GOLM1: variants seen among roughly 807,000 people sequenced by gnomAD.
The protein encoded by GOLM1 is golgi membrane protein 1.
Under a neutral mutation model 50.5 loss-of-function variants are expected in GOLM1, and 31 were observed. The ratio of observed to expected loss-of-function variants is 0.61; its 90% CI spans 0.46 to 0.83. The LOEUF (loss-of-function observed/expected upper bound fraction) is 0.83. Ranked by LOEUF, GOLM1 falls within the 40% of genes least tolerant of loss-of-function variation. The probability of loss-of-function intolerance (pLI) is 0.00; values close to 1 mark genes in which losing one functional copy is unlikely to be tolerated. For synonymous variants in GOLM1, 178 were observed against 192.8 expected (o/e 0.92, Z 0.64); for missense variants, 491 against 501.3 (o/e 0.98, Z 0.20).
chr9:86,081,811 C>T (rs1361514523), intron 1 of GOLM1, among the ~76,000 whole-genome samples: 2 of 151,368 alleles, frequency 1.3e-5, no homozygotes, highest in Non-Finnish European at 2.9e-5. Context: ...AAAGCTTGAA[C>T]CCATGAGGCG....
intron 1 of GOLM1, among the ~76,000 whole-genome samples, chr9:86,082,363 C>G (rs1053212028): frequency 1.4e-5 from 2 of 144,264 alleles, no homozygotes; most frequent in Non-Finnish European, 3.0e-5. Context: ...GGCTCCACCA[C>G]TGCATTTCTT....
At chr9:86,091,948 T>C (rs1475860641) in intron 1 of GOLM1, among the ~76,000 whole-genome samples, 2 of 152,182 alleles carry the variant, frequency 1.3e-5, no homozygotes, top group African/African-American at 4.8e-5. Context: ...CAGGGTGGTA[T>C]TAAGAGCACA....
At chr9:86,045,724 C>T (rs906699549) in intron 5 of GOLM1, among the ~76,000 whole-genome samples, 3 of 148,558 alleles carry the variant, frequency 2.0e-5, no homozygotes, top group Non-Finnish European at 3.0e-5. Context: ...ACGTACATAA[C>T]GCAAGTAAAA....
At chr9:86,031,188 C>A (rs1217167306) in intron 9 of GOLM1, among the ~76,000 whole-genome samples, 1 of 151,346 alleles carries the variant, frequency 6.6e-6, no homozygotes, top group South Asian at 2.1e-4. Flanking sequence ...CCAGCCTGGG[C>A]AACAGAGTGA....
At chr9:86,084,750 T>TA (rs1292197191) in intron 1 of GOLM1, among the ~76,000 whole-genome samples, 1 of 152,122 alleles carries the variant, frequency 6.6e-6, no homozygotes, top group Non-Finnish European at 1.5e-5. Context: ...ATTAATATTT[T>TA]AAAAAATTCC....
In GOLM1 at chr9:86,038,524, C is replaced by T. The variant is rs571827226; in HGVS notation, c.598-2017G>A. 3.9e-5 allele frequency among the ~76,000 whole-genome samples: 6 copies of T among 152,296 alleles called. No individual in the cohort carries two copies. The South Asian group carries it at 1.2e-3, about 32-fold the overall frequency. On this transcript the variant is annotated intron_variant, in intron 6 of 9. Transcript: ENST00000388712. ...GCTACTCAACTCCAGCCCATTCCAG[C>T]CACTTTGTCCCACTGGGGTAGGGAG...
At chr9:86,050,176 T>C (rs4612442) in intron 4 of GOLM1, among the ~76,000 whole-genome samples, 25,917 of 152,186 alleles carry the variant, frequency 0.17, 2,669 homozygotes, top group African/African-American at 0.3. Flanking sequence ...GTTTACTGAT[T>C]TGCGTATGTT....
chr9:86,084,160 G>T (rs754016517), intron 1 of GOLM1, among the ~76,000 whole-genome samples: 1 of 152,116 alleles, frequency 6.6e-6, no homozygotes, highest in Non-Finnish European at 1.5e-5. Flanking sequence ...TCAGCTTTGG[G>T]GGCATTATCA....
chr9:86,047,519 G>C (rs1320906043), intron 4 of GOLM1, among the ~76,000 whole-genome samples: 2 of 152,148 alleles, frequency 1.3e-5, no homozygotes, highest in Non-Finnish European at 2.9e-5. Flanking sequence ...GTGGGTGCTG[G>C]GCCTAGACAG....
intron 3 of GOLM1, among the ~76,000 whole-genome samples, chr9:86,067,724 C>T (rs963514962): frequency 1.3e-5 from 2 of 152,142 alleles, no homozygotes; most frequent in East Asian, 3.9e-4. Flanking sequence ...CAGGGTTGGC[C>T]GGGCGCAGTG....
chr9:86,061,876 T>C (rs981683835), intron 3 of GOLM1, among the ~76,000 whole-genome samples: 20 of 152,070 alleles, frequency 1.3e-4, no homozygotes, highest in Non-Finnish European at 2.5e-4. Flanking sequence ...GGTAGGATCC[T>C]GGTCAGAGAG....
chr9:86,045,743 A>G (rs150330520), intron 5 of GOLM1, among the ~76,000 whole-genome samples: 159 of 152,186 alleles, frequency 1.0e-3, no homozygotes, highest in African/African-American at 3.5e-3. Flanking sequence ...AAAAATGATT[A>G]AATTTTTTTG....
chr9:86,058,983 G>A (rs1834072105), intron 3 of GOLM1, among the ~76,000 whole-genome samples: 1 of 152,162 alleles, frequency 6.6e-6, no homozygotes, highest in Admixed American at 6.5e-5. Flanking sequence ...GGGTGATAGA[G>A]TGAGACTCTG....
chr9:86,076,421 C>CAAAAAA lies in GOLM1; in HGVS notation c.309+985_309+990dup, dbSNP rs58193076. ...GGACAACAAGAGGGAAACCCCATCT[C>CAAAAAA]AAAAAAAAAAAAAAAAAAAAAAAAA... On this transcript the variant is annotated intron_variant, in intron 3 of 9. Coordinates refer to ENST00000388712, the MANE Select transcript of GOLM1 (RefSeq NM_016548.4). Among the ~76,000 whole-genome samples the CAAAAAA allele has an allele frequency of 3.4e-3, 79 of 23,312 alleles. 2 individuals carry two copies. Among genetic ancestry groups the CAAAAAA allele is most frequent in the Non-Finnish European group, 4.8e-3 (55 of 11,408 alleles). 15.3% of individuals were successfully genotyped at this position (23,312 alleles called of 152,430 possible).
In GOLM1 at chr9:86,095,416, T is replaced by C. The variant is rs115959687; in HGVS notation, c.-22+3995A>G. Among the ~76,000 whole-genome samples, 763 of 133,972 alleles carry C rather than the reference T, an allele frequency of 5.7e-3. 8 individuals carry two copies. The highest frequency in any genetic ancestry group is 0.026 in the African/African-American group (737 of 27,926). 87.9% of individuals were successfully genotyped at this position (133,972 alleles called of 152,430 possible). ...GCTAATTTTTGTATTTTCCCTTTTT[T>C]TTTTTTTTTAAAATAGAGATGGGGT... On this transcript the variant is annotated intron_variant, in intron 1 of 9. Transcript: ENST00000388712.
At chr9:86,031,484 G>T (rs112072708) in intron 9 of GOLM1, among the ~76,000 whole-genome samples, 2 of 116,962 alleles carry the variant, frequency 1.7e-5, no homozygotes, top group Non-Finnish European at 3.4e-5. Flanking sequence ...TCCCCGAGAC[G>T]GAGTTTCACT....
chr9:86,071,198 G>T (rs1474720286), intron 3 of GOLM1, among the ~76,000 whole-genome samples: 1 of 151,974 alleles, frequency 6.6e-6, no homozygotes, highest in African/African-American at 2.4e-5. Flanking sequence ...CTGGGCTCAA[G>T]GTGATCCACC....
intron 3 of GOLM1, among the ~76,000 whole-genome samples, chr9:86,055,643 T>C (rs1052026893): frequency 2.6e-5 from 4 of 152,274 alleles, no homozygotes; most frequent in Non-Finnish European, 5.9e-5. Flanking sequence ...TACTACAACA[T>C]GGATGAATGC....
chr9:86,071,421 G>C (rs1032840132), intron 3 of GOLM1, among the ~76,000 whole-genome samples: 1 of 152,014 alleles, frequency 6.6e-6, no homozygotes, highest in Admixed American at 6.5e-5. Flanking sequence ...GCTCATGCCT[G>C]TAATCCCAGC....
Sources: allele counts gnomAD v4.1 joint callset (sites outside exome capture counted in the v4.1 genomes callset), GRCh38; gene constraint gnomAD v4.1.1; transcripts MANE v1.5; gene names NCBI Gene and HGNC (gene_info 2026-07-23, HGNC 2026-07-21).